DGKG: variants seen among roughly 807,000 people sequenced by gnomAD.
The protein encoded by DGKG is diacylglycerol kinase gamma, also known as DAG kinase gamma.
A neutral mutation model predicts 105.3 loss-of-function variants in DGKG; 78 were observed. That is an observed-to-expected ratio of 0.74 (90% CI 0.62 to 0.89). The LOEUF (loss-of-function observed/expected upper bound fraction) is 0.89, where lower values mean the gene tolerates loss of function less well. Ranked by LOEUF, DGKG falls within the 40% of genes least tolerant of loss-of-function variation. The probability of loss-of-function intolerance (pLI) is 0.00; values close to 1 mark genes in which losing one functional copy is unlikely to be tolerated. For missense variants in DGKG, 958 were observed against 1,020.1 expected (o/e 0.94, Z 0.83); for synonymous variants, 346 against 367.1 (o/e 0.94, Z 0.66).
At chr3:186,190,671 A>G (rs144151833) in intron 21 of DGKG, among the ~76,000 whole-genome samples, 4 of 151,526 alleles carry the variant, frequency 2.6e-5, no homozygotes, top group African/African-American at 9.7e-5. Flanking sequence ...GTAGATTTTA[A>G]AAAATAACAT....
rs1283626822 is a variant in DGKG at position 186,279,845 on chromosome 3, A to G, written c.792+6T>C. On this transcript the variant is annotated splice_donor_region_variant and intron_variant, in intron 9 of 24. Coordinates refer to ENST00000265022, the MANE Select transcript of DGKG (RefSeq NM_001346.3). Reference sequence around the variant, plus strand: ...GAGATCTCTGAACTCCAGCTTGTTGACTTACAGAGTCATCCATCCCCAGGA... The same window carrying G: ...GAGATCTCTGAACTCCAGCTTGTTGGCTTACAGAGTCATCCATCCCCAGGA... 3 of 1,612,296 alleles carry G rather than the reference A, an allele frequency of 1.9e-6. No individual in the cohort carries two copies. The Admixed American group carries it at 5.0e-5, about 27-fold the overall frequency.
chr3:186,359,444 GA>G (rs1333312529), intron 1 of DGKG, among the ~76,000 whole-genome samples: 9 of 152,124 alleles, frequency 5.9e-5, no homozygotes, highest in Non-Finnish European at 1.3e-4. Context: ...CACTAATTCA[GA>G]AAAAAGCAGA....
chr3:186,302,789 G>A (rs1724042830), intron 3 of DGKG, among the ~76,000 whole-genome samples: 1 of 151,918 alleles, frequency 6.6e-6, no homozygotes, highest in East Asian at 1.9e-4. Context: ...GGTCATCAGT[G>A]GCGAGTGCCA....
At chr3:186,191,734 T>A (rs1363516972) in intron 21 of DGKG, among the ~76,000 whole-genome samples, 1 of 152,258 alleles carries the variant, frequency 6.6e-6, no homozygotes, top group Non-Finnish European at 1.5e-5. Context: ...CAGGTCTGAA[T>A]TGCTTTTGTG....
At chr3:186,183,105 T>G (rs1214645600) in intron 22 of DGKG, among the ~76,000 whole-genome samples, 1 of 152,212 alleles carries the variant, frequency 6.6e-6, no homozygotes, top group Admixed American at 6.5e-5. Flanking sequence ...TTCCTCGGAC[T>G]GGGTCTAAAT....
At chr3:186,227,937 G>C (rs1303100356) in intron 20 of DGKG, among the ~76,000 whole-genome samples, 1 of 152,134 alleles carries the variant, frequency 6.6e-6, no homozygotes, top group African/African-American at 2.4e-5. Flanking sequence ...TTATGCAAAA[G>C]GGCAACAATT....
chr3:186,214,848 A>G (rs756651998), intron 20 of DGKG, among the ~76,000 whole-genome samples: 3 of 152,244 alleles, frequency 2.0e-5, no homozygotes, highest in Non-Finnish European at 4.4e-5. Flanking sequence ...CAGGAAGCAG[A>G]CCACAGTGTG....
At chr3:186,298,877 T>G (rs1004615860) in intron 3 of DGKG, among the ~76,000 whole-genome samples, 2 of 152,174 alleles carry the variant, frequency 1.3e-5, no homozygotes, top group African/African-American at 4.8e-5. Context: ...GGTGGGTGTG[T>G]GTTTCTGGCT....
intron 21 of DGKG, among the ~76,000 whole-genome samples, chr3:186,205,934 T>C (rs926648332): frequency 2.0e-5 from 3 of 152,154 alleles, no homozygotes; most frequent in South Asian, 2.1e-4. Context: ...GAGTAATTGA[T>C]GTGCAGAGAT....
Position 186,324,439 on chromosome 3 carries a change from C to T in DGKG, c.-248-3732G>A, listed in dbSNP as rs190621339. ...CACCTGGTGCAATGCCTGCACATAG[C>T]AAACACTCAATAAATGATTGTTATT... On this transcript the variant is annotated intron_variant, in intron 1 of 24. Coordinates refer to ENST00000265022, the MANE Select transcript of DGKG (RefSeq NM_001346.3). 9.3e-5 allele frequency among the ~76,000 whole-genome samples: 14 copies of T among 150,692 alleles called. No individual in the cohort carries two copies. The East Asian group carries it at 2.5e-3, about 27-fold the overall frequency.
intron 2 of DGKG, among the ~76,000 whole-genome samples, chr3:186,307,718 T>C (rs1159809230): frequency 6.6e-6 from 1 of 152,148 alleles, no homozygotes; most frequent in Non-Finnish European, 1.5e-5. Flanking sequence ...TGTAGATGAG[T>C]ATATAAACAT....
Position 186,203,514 on chromosome 3 carries a change from A to G in DGKG, c.1917+8281T>C, listed in dbSNP as rs1718577420. Reference sequence around the variant, plus strand: ...GAGTAGCGGAAAGAAACCGATTAGGAGGAAGCAGAAAGAAACCAAGTGGTG... The same window carrying G: ...GAGTAGCGGAAAGAAACCGATTAGGGGGAAGCAGAAAGAAACCAAGTGGTG... On this transcript the variant is annotated intron_variant, in intron 21 of 24. Transcript: ENST00000265022. The surrounding 1 kb of genome is among the most constrained non-coding windows in gnomAD (Gnocchi z 4.9). 6.6e-6 allele frequency among the ~76,000 whole-genome samples: 1 copy of G among 152,198 alleles called. No individual in the cohort carries two copies. Among genetic ancestry groups the G allele is most frequent in the Non-Finnish European group, 1.5e-5 (1 of 68,038 alleles).
chr3:186,357,469 G>A (rs1727024880), intron 1 of DGKG, among the ~76,000 whole-genome samples: 1 of 152,172 alleles, frequency 6.6e-6, no homozygotes, highest in Non-Finnish European at 1.5e-5. Context: ...ATAGACCTGA[G>A]TTTCAATCTC....
At chr3:186,263,913 A>G (rs1453899390) in intron 14 of DGKG, among the ~76,000 whole-genome samples, 2 of 152,214 alleles carry the variant, frequency 1.3e-5, no homozygotes, top group African/African-American at 2.4e-5. Flanking sequence ...ACACAGTGCC[A>G]TGTTGTTTGA....
chr3:186,168,069 GGAA>G (rs1560078357), intron 22 of DGKG, among the ~76,000 whole-genome samples: 1 of 152,156 alleles, frequency 6.6e-6, no homozygotes, highest in Non-Finnish European at 1.5e-5. Context: ...AAAAGAGGAA[GGAA>G]GAAGGACATT....
At chr3:186,285,790 C>A (rs1031675098) in intron 6 of DGKG, among the ~76,000 whole-genome samples, 1 of 150,646 alleles carries the variant, frequency 6.6e-6, no homozygotes, top group Non-Finnish European at 1.5e-5. Flanking sequence ...AGCGATTCTT[C>A]TGCCTCACCC....
chr3:186,302,687 G>A (rs966079398), intron 3 of DGKG, among the ~76,000 whole-genome samples: 23 of 151,348 alleles, frequency 1.5e-4, no homozygotes, highest in Admixed American at 1.5e-3. Context: ...GCACAGTACA[G>A]TGCTGGGCAC....
At chr3:186,280,585 G>C in intron 8 of DGKG, 85 bp downstream of exon 8, 1 of 1,109,240 alleles carries the variant, frequency 9.0e-7, no homozygotes, top group Middle Eastern at 2.7e-4. Flanking sequence ...CACCTGCAGG[G>C]TTAACACTCA....
At chr3:186,253,211 C>A (rs1267787424) in intron 17 of DGKG, 29 bp from the exon 18 acceptor site, 4 of 1,561,090 alleles carry the variant, frequency 2.6e-6, no homozygotes, top group Non-Finnish European at 3.5e-6. Flanking sequence ...AACAGAGAAC[C>A]ATATGCCATG....
Sources: allele counts gnomAD v4.1 joint callset (sites outside exome capture counted in the v4.1 genomes callset), GRCh38; gene constraint gnomAD v4.1.1; non-coding constraint Gnocchi (gnomAD v3.1); transcripts MANE v1.5; gene names NCBI Gene and HGNC (gene_info 2026-07-23, HGNC 2026-07-21).